Variants in AOPEP observed in about 807,000 individuals in gnomAD.
The protein encoded by AOPEP is aminopeptidase O (putative), also known as aminopeptidase O.
Under a neutral mutation model 98.1 loss-of-function variants are expected in AOPEP, and 77 were observed. The ratio of observed to expected loss-of-function variants is 0.78; its 90% CI spans 0.65 to 0.95. The LOEUF (loss-of-function observed/expected upper bound fraction) is 0.95. Ranked by LOEUF, AOPEP falls within the 40% of genes least tolerant of loss-of-function variation. AOPEP has a pLI of 0.00. For missense variants in AOPEP, 1,024 were observed against 1,024.7 expected (o/e 1.00, Z 0.01); for synonymous variants, 346 against 365.3 (o/e 0.95, Z 0.60).
chr9:94,916,983 C>G (rs750215165), intron 5 of AOPEP, among the ~76,000 whole-genome samples: 2 of 152,174 alleles, frequency 1.3e-5, no homozygotes, highest in Non-Finnish European at 2.9e-5. Context: ...AATACTGTTT[C>G]TCCCTCTGAT....
the AOPEP span, chr9:95,135,555 GA>G: frequency 6.4e-7 from 1 of 1,555,978 alleles, no homozygotes; most frequent in Non-Finnish European, 8.8e-7. Flanking sequence ...ACTGAAAAAA[GA>G]AGATTAAAAA....
At chr9:94,753,542 A>G (rs1354867848) in intron 1 of AOPEP, among the ~76,000 whole-genome samples, 3 of 143,744 alleles carry the variant, frequency 2.1e-5, no homozygotes, top group African/African-American at 7.4e-5. Context: ...AATAAAAAGC[A>G]GAAAAATAAA....
At chr9:94,931,880 A>G (rs951485552) in intron 7 of AOPEP, 1 of 1,300,256 alleles carries the variant, frequency 7.7e-7, no homozygotes, top group Non-Finnish European at 1.1e-6. Context: ...CTCTGTGGCC[A>G]GTCCTTCCTC....
intron 5 of AOPEP, among the ~76,000 whole-genome samples, chr9:94,893,693 C>T (rs561192939): frequency 1.2e-4 from 19 of 152,230 alleles, no homozygotes; most frequent in Admixed American, 4.6e-4. Flanking sequence ...TTCAGCCTAC[C>T]TTTACTGAAC....
chr9:94,728,469 A>T (rs927316824), intron 1 of AOPEP, among the ~76,000 whole-genome samples: 24 of 152,200 alleles, frequency 1.6e-4, no homozygotes, highest in Non-Finnish European at 2.5e-4. Flanking sequence ...AACACTCAGG[A>T]TGCCGAGTAG....
chr9:95,070,213 T>C (rs1430800837), intron 14 of AOPEP, among the ~76,000 whole-genome samples: 1 of 152,194 alleles, frequency 6.6e-6, no homozygotes, highest in Non-Finnish European at 1.5e-5. Context: ...AGGCCCCCCT[T>C]ACCAGCCAGT....
intron 3 of AOPEP, among the ~76,000 whole-genome samples, chr9:94,778,721 A>G (rs1475125257): frequency 6.6e-6 from 1 of 152,118 alleles, no homozygotes; most frequent in Non-Finnish European, 1.5e-5. Flanking sequence ...TCATTGAACA[A>G]CACATTTAAG....
the AOPEP span, chr9:95,114,047 A>G: frequency 1.1e-5 from 2 of 174,276 alleles, no homozygotes; most frequent in Non-Finnish European, 2.5e-5. Context: ...TGATCATTCC[A>G]CTGCACTCCA....
At chr9:94,767,046 G>C (rs1234357840) in intron 2 of AOPEP, among the ~76,000 whole-genome samples, 1 of 152,054 alleles carries the variant, frequency 6.6e-6, no homozygotes, top group Non-Finnish European at 1.5e-5. Context: ...CACTCTAAAG[G>C]AAAGTTTTAA....
At chr9:94,830,404 G>A (rs1174480564) in intron 5 of AOPEP, among the ~76,000 whole-genome samples, 2 of 152,184 alleles carry the variant, frequency 1.3e-5, no homozygotes, top group African/African-American at 4.8e-5. Context: ...GTATTCCATG[G>A]TGTATATGTA....
At chr9:95,015,560 C>G (rs928678173) in intron 13 of AOPEP, among the ~76,000 whole-genome samples, 1 of 152,038 alleles carries the variant, frequency 6.6e-6, no homozygotes, top group Admixed American at 6.5e-5. Flanking sequence ...AAGTAGAAAA[C>G]TATATAGGAT....
chr9:95,007,485 A>T (rs886832296), intron 13 of AOPEP, among the ~76,000 whole-genome samples: 2 of 152,144 alleles, frequency 1.3e-5, no homozygotes, highest in Non-Finnish European at 2.9e-5. Flanking sequence ...CTTAGGGGGA[A>T]GATTTGCCTC....
chr9:95,052,584 G>A lies in AOPEP; in HGVS notation c.2116-8110G>A, dbSNP rs1484032141. Among the ~76,000 whole-genome samples, 69 of 152,116 alleles carry A rather than the reference G, an allele frequency of 4.5e-4. 1 individual carries two copies. The highest frequency in any genetic ancestry group is 2.9e-5 in the Non-Finnish European group (2 of 68,002). On this transcript the variant is annotated intron_variant, in intron 13 of 16. Coordinates refer to ENST00000375315, the MANE Select transcript of AOPEP (RefSeq NM_001193329.3). ...TAGATTACTATTCACCAGGAATATAGGGCTGTATAAAAAACATTTAACCAA... is the reference window on the plus strand; with the variant it reads ...TAGATTACTATTCACCAGGAATATAAGGCTGTATAAAAAACATTTAACCAA...
At chr9:95,001,175 G>C (rs1448333498) in intron 11 of AOPEP, among the ~76,000 whole-genome samples, 1 of 152,114 alleles carries the variant, frequency 6.6e-6, no homozygotes, top group Admixed American at 6.5e-5. Flanking sequence ...GTGATAGGAG[G>C]AATTTCTTCT....
chr9:95,054,517 G>C (rs758951104), intron 13 of AOPEP, among the ~76,000 whole-genome samples: 1 of 152,180 alleles, frequency 6.6e-6, no homozygotes, highest in Non-Finnish European at 1.5e-5. Flanking sequence ...GGGAATAATA[G>C]CACGGGAACA....
At chr9:95,050,470 T>C (rs1458024948) in intron 13 of AOPEP, among the ~76,000 whole-genome samples, 1 of 152,224 alleles carries the variant, frequency 6.6e-6, no homozygotes, top group Non-Finnish European at 1.5e-5. Context: ...GGAGGAAATG[T>C]GACTCCTATG....
intron 11 of AOPEP, chr9:95,004,362 G>A (rs975723917): frequency 1.1e-5 from 5 of 444,844 alleles, no homozygotes; most frequent in African/African-American, 8.0e-5. Context: ...TGGTTCTGGG[G>A]GTCCACGGCA....
At chr9:94,995,354 C>T (rs2132448646) in intron 11 of AOPEP, among the ~76,000 whole-genome samples, 1 of 152,208 alleles carries the variant, frequency 6.6e-6, no homozygotes, top group African/African-American at 2.4e-5. Flanking sequence ...ACCATGTGCA[C>T]CATCTCATTT....
At chr9:94,759,491 T>C (rs1415057860) in intron 1 of AOPEP, among the ~76,000 whole-genome samples, 158 bp from the exon 2 acceptor site, 1 of 152,218 alleles carries the variant, frequency 6.6e-6, no homozygotes, top group African/African-American at 2.4e-5. Flanking sequence ...GCAGCTTTCT[T>C]TCATGTCAGT....
Sources: gnomAD v4.1 joint callset for allele counts (sites outside exome capture counted in the v4.1 genomes callset) on GRCh38, gnomAD v4.1.1 for gene constraint, MANE v1.5 for transcripts, NCBI Gene and HGNC (gene_info 2026-07-23, HGNC 2026-07-21) for gene names.